Variants in USH2A observed in about 807,000 individuals in gnomAD.
The protein encoded by USH2A is usherin.
In USH2A, 443 loss-of-function variants were observed where a neutral mutation model predicts 538.9. The observed-to-expected ratio is 0.82, with a 90% CI of 0.76 to 0.89. The LOEUF is 0.89. USH2A is among the 40% of genes least tolerant of loss of function. The pLI is 0.00. For missense variants in USH2A, 6,633 were observed against 6,324.8 expected, an observed-to-expected ratio of 1.05 and a Z score of -1.65; for synonymous variants, 2,413 against 2,273.5, an observed-to-expected ratio of 1.06 and a Z score of -1.75.
At chr1:216,135,799 A>G (rs2033475114) in intron 21 of USH2A, among the ~76,000 whole-genome samples, 1 of 152,188 alleles carries the variant, frequency 6.6e-6, no homozygotes, top group South Asian at 2.1e-4. Context: ...AGAAGCCACG[A>G]ATAACAGAAA....
intron 67 of USH2A, among the ~76,000 whole-genome samples, chr1:215,646,342 G>T (rs1268239930): frequency 7.0e-6 from 1 of 143,830 alleles, no homozygotes; most frequent in Non-Finnish European, 1.6e-5. Flanking sequence ...AAATTATGCA[G>T]TTGGTTCTGA....
intron 70 of USH2A, among the ~76,000 whole-genome samples, chr1:215,632,934 A>G (rs1656354901): frequency 1.3e-5 from 2 of 152,196 alleles, no homozygotes; most frequent in South Asian, 4.1e-4. Context: ...ACATTCGTGG[A>G]GTGCCTATGA....
intron 3 of USH2A, among the ~76,000 whole-genome samples, chr1:216,400,886 T>C (rs1290059444): frequency 1.3e-5 from 2 of 151,998 alleles, no homozygotes; most frequent in Non-Finnish European, 2.9e-5. Context: ...CTCAGATGAG[T>C]GAAAAATAAG....
intron 49 of USH2A, among the ~76,000 whole-genome samples, chr1:215,804,468 G>C (rs1359003570): frequency 1.3e-5 from 2 of 151,682 alleles, no homozygotes; most frequent in Non-Finnish European, 2.9e-5. Flanking sequence ...CAAAAAGTGG[G>C]TGAAGGATAT....
chr1:216,418,526 A>G lies in USH2A; in HGVS notation c.639T>C (p.His213=). The stretch of plus-strand genomic sequence containing the variant: ...TTATTTTACTCACCTGCACACTAAG[A>G]TGAATCCATTTCTTCACAAGAATTC... ...LGRILVKKWI[H]LSVQVHQTKI... is the part of the protein sequence containing the mutation. Residue 213 remains histidine (H), a synonymous_variant, in exon 3 of 72, where the codon CAT becomes CAC. Transcript: ENST00000307340. The G allele has an allele frequency of 6.2e-7, 1 of 1,613,128 alleles. No homozygotes were observed. Among genetic ancestry groups the G allele is most frequent in the Non-Finnish European group, 8.5e-7 (1 of 1,179,470 alleles).
chr1:215,734,603 T>C (rs541036835), intron 60 of USH2A, among the ~76,000 whole-genome samples: 47 of 152,328 alleles, frequency 3.1e-4, no homozygotes, highest in African/African-American at 1.1e-3. Flanking sequence ...AGTCATTCCT[T>C]TGCTCCCATA....
rs781627343 is a variant in USH2A at position 216,246,821 on chromosome 1, G to GAGCC, written c.2569_2572dup (p.Ser858TrpfsTer6). ...TCCTGTTGATTTGTTACACAGCAGA[G>GAGCC]AGCCATTTATTGTCCCAGTCTTATC... On this transcript the variant is annotated frameshift_variant, in exon 13 of 72. Coordinates refer to ENST00000307340, the MANE Select transcript of USH2A (RefSeq NM_206933.4). LOFTEE classifies it high-confidence loss of function. 6.2e-7 allele frequency: 1 copy of GAGCC among 1,614,138 alleles called. No homozygotes were observed. The highest frequency in any genetic ancestry group is 8.5e-7 in the Non-Finnish European group (1 of 1,179,984).
rs896073338 is a variant in USH2A, at chr1:216,135,696, A to C, written c.4628-38483T>G. Among the ~76,000 whole-genome samples, 7 of 152,142 alleles carry C rather than the reference A, an allele frequency of 4.6e-5. No individual in the cohort carries two copies. The East Asian group carries it at 1.3e-3, about 29-fold the overall frequency. ...CTTACATACATATGAAAACAATTAC[A>C]CATGATTGGTATGTATTCAATGATG... On this transcript the variant is annotated intron_variant, in intron 21 of 71. Transcript: ENST00000307340.
At chr1:216,317,578 T>C (rs1352024707) in intron 9 of USH2A, among the ~76,000 whole-genome samples, 1 of 152,060 alleles carries the variant, frequency 6.6e-6, no homozygotes, top group Non-Finnish European at 1.5e-5. Context: ...CCAGGAGTGG[T>C]GGCTCATGCC....
intron 35 of USH2A, among the ~76,000 whole-genome samples, chr1:215,978,343 C>A (rs1350271552): frequency 6.6e-6 from 1 of 152,114 alleles, no homozygotes; most frequent in Admixed American, 6.5e-5. Flanking sequence ...CATCTTACCC[C>A]ACTCTGGTCA....
intron 70 of USH2A, among the ~76,000 whole-genome samples, chr1:215,633,694 G>A (rs986921554): frequency 3.9e-5 from 6 of 152,156 alleles, no homozygotes; most frequent in Admixed American, 2.0e-4. Context: ...CCCTGTGGGC[G>A]CCCAGCTTTG....
At chr1:215,791,892 G>A (rs1435832532) in intron 50 of USH2A, among the ~76,000 whole-genome samples, 2 of 152,030 alleles carry the variant, frequency 1.3e-5, no homozygotes, top group Non-Finnish European at 2.9e-5. Context: ...ATACATGAGT[G>A]TACACACACA....
Position 215,845,998 on chromosome 1 carries a change from T to A in USH2A, c.8881A>T (p.Thr2961Ser), listed in dbSNP as rs758748351. 2.5e-6 allele frequency: 4 copies of A among 1,613,680 alleles called. No individual in the cohort carries two copies. The highest frequency in any genetic ancestry group is 3.4e-6 in the Non-Finnish European group (4 of 1,179,854). ...GAGGTAGCAGAACTCCAAAAAAGTG[T>A]GTAATATTCAACTTCACCTTGTAGG... ...QDLQGEVEYY[T>S]LFWSSATSND... The change falls in exon 45 of 72, where the codon ACA (threonine) becomes TCA (serine). Residue 2961 changes from threonine (T) to serine (S), a missense_variant. Physicochemically the swap from Thr to Ser is moderately conservative, Grantham distance 58 (BLOSUM62 1). Transcript: ENST00000307340.
intron 11 of USH2A, among the ~76,000 whole-genome samples, chr1:216,258,765 T>C (rs1443544630): frequency 6.6e-6 from 1 of 152,088 alleles, no homozygotes; most frequent in Non-Finnish European, 1.5e-5. Flanking sequence ...TTTGTCCATA[T>C]TTTTATCATT....
intron 3 of USH2A, among the ~76,000 whole-genome samples, chr1:216,374,112 G>A (rs2038768896): frequency 8.8e-6 from 1 of 113,834 alleles, no homozygotes; most frequent in Admixed American, 1.1e-4. Flanking sequence ...GTGGGGTGGG[G>A]GGAGGGGGGA....
intron 3 of USH2A, among the ~76,000 whole-genome samples, chr1:216,387,670 T>C (rs2039030029): frequency 6.6e-6 from 1 of 152,194 alleles, no homozygotes; most frequent in African/African-American, 2.4e-5. Flanking sequence ...ACAGAATCTA[T>C]TAAGTACTCA....
intron 38 of USH2A, among the ~76,000 whole-genome samples, chr1:215,910,239 G>A (rs1025950404): frequency 1.3e-5 from 2 of 151,672 alleles, no homozygotes; most frequent in Non-Finnish European, 2.9e-5. Context: ...TGTTCAATTA[G>A]CACTTTTTAC....
intron 38 of USH2A, among the ~76,000 whole-genome samples, chr1:215,918,105 G>A (rs896215107): frequency 3.3e-5 from 5 of 152,056 alleles, no homozygotes; most frequent in African/African-American, 1.2e-4. Flanking sequence ...TTTGAATAGT[G>A]GAGAAAAATT....
chr1:216,086,966 A>T (rs1224160228), intron 23 of USH2A, 146 bp from the exon 24 acceptor site: 5 of 662,388 alleles, frequency 7.5e-6, no homozygotes, highest in Non-Finnish European at 1.4e-5. Context: ...ACTTTTCTTC[A>T]CTGGCTCTTC....
Sources: gnomAD v4.1 joint callset for allele counts (sites outside exome capture counted in the v4.1 genomes callset) on GRCh38, gnomAD v4.1.1 for gene constraint, MANE v1.5 for transcripts, NCBI Gene and HGNC (gene_info 2026-07-23, HGNC 2026-07-21) for gene names.